SH3BP2: variants seen among roughly 807,000 people sequenced by gnomAD.
The protein encoded by SH3BP2 is SH3 domain-binding protein 2.
Under a neutral mutation model 56.2 loss-of-function variants are expected in SH3BP2, and 38 were observed. The observed-to-expected ratio is 0.68, with a 90% CI of 0.52 to 0.89. The LOEUF (loss-of-function observed/expected upper bound fraction) is 0.89. SH3BP2 is among the 40% of genes least tolerant of loss of function. The pLI, the probability that SH3BP2 is intolerant of heterozygous loss-of-function variation, is 0.00. For synonymous variants in SH3BP2, 346 were observed against 316.7 expected (o/e 1.09, Z -0.98); for missense variants, 748 against 762.6 (o/e 0.98, Z 0.23).
At position 2,820,610 on chromosome 4, in the gene SH3BP2, G is replaced by A. The variant is rs368247015; in HGVS notation, c.-4-4G>A. On this transcript the variant is annotated splice_polypyrimidine_tract_variant and splice_region_variant and intron_variant, in intron 1 of 12. Coordinates refer to ENST00000503393, the MANE Select transcript of SH3BP2 (RefSeq NM_001122681.2). ...GAGCCACGTGCCTTTGTCCTTTATT[G>A]CAGCTTCATGGCGGCTGAAGAGATG... 3 of 1,614,132 alleles carry A rather than the reference G, an allele frequency of 1.9e-6. No homozygotes were observed. The highest frequency in any genetic ancestry group is 4.5e-5 in the East Asian group (2 of 44,884).
chr4:2,804,155 G>T (rs1723435797), intron 1 of SH3BP2, among the ~76,000 whole-genome samples: 1 of 152,156 alleles, frequency 6.6e-6, no homozygotes, highest in Admixed American at 6.5e-5. Context: ...CTGCCTGGTG[G>T]GTTCCACTGC....
At chr4:2,813,833 ATG>A (rs1357522130) in intron 1 of SH3BP2, among the ~76,000 whole-genome samples, 5 of 152,154 alleles carry the variant, frequency 3.3e-5, no homozygotes, top group Non-Finnish European at 5.9e-5. Flanking sequence ...GTGTGTATAT[ATG>A]TGTTAGTGTG....
At chr4:2,811,233 G>T (rs1365056378) in intron 1 of SH3BP2, among the ~76,000 whole-genome samples, 1 of 152,226 alleles carries the variant, frequency 6.6e-6, no homozygotes, top group Non-Finnish European at 1.5e-5. Context: ...GGGACAGCTT[G>T]GGACCTGCAC....
At chr4:2,793,992 A>C (rs1166198052) in intron 1 of SH3BP2, among the ~76,000 whole-genome samples, 4 of 152,044 alleles carry the variant, frequency 2.6e-5, no homozygotes, top group Non-Finnish European at 5.9e-5. Flanking sequence ...AGCACCTCCT[A>C]TCCCCTCTCT....
rs748381052 is a variant in SH3BP2 at position 2,833,870 on chromosome 4, CAG to C, written c.*37_*38del. The C allele has an allele frequency of 6.8e-5, 105 of 1,537,048 alleles. No individual in the cohort carries two copies. The African/African-American group carries it at 1.3e-3, about 19-fold the overall frequency. On this transcript the variant is annotated 3_prime_UTR_variant, in exon 13 of 13. Transcript: ENST00000503393. ...TGTGGCTGCCAGGCCAAGGCAGTCA[CAG>C]GGGCCCTGACCCCAGGCCACACAGA...
rs1725196306 is a variant in SH3BP2 at position 2,835,402 on chromosome 4, C to G, written c.*1568C>G. The G allele has an allele frequency of 6.6e-6, 1 of 152,318 alleles. No homozygotes were observed. The highest frequency in any genetic ancestry group is 2.4e-5 in the African/African-American group (1 of 41,436). 9.4% of individuals were successfully genotyped at this position (152,318 alleles called of 1,614,324 possible). ...CCAGGAACCAGGTGTCCAAGGCCAC[C>G]TCTGCAGGGGTTTCCTCTTCAGCCT... On this transcript the variant is annotated 3_prime_UTR_variant, in exon 13 of 13. Coordinates refer to ENST00000503393, the MANE Select transcript of SH3BP2 (RefSeq NM_001122681.2).
intron 1 of SH3BP2, among the ~76,000 whole-genome samples, chr4:2,794,531 C>G (rs1269362523): frequency 2.0e-5 from 3 of 152,238 alleles, no homozygotes; most frequent in Non-Finnish European, 4.4e-5. Context: ...CCCTGCCACC[C>G]GCCAGGCTCC....
chr4:2,828,214 C>T (rs1724783900), intron 7 of SH3BP2, among the ~76,000 whole-genome samples: 2 of 151,370 alleles, frequency 1.3e-5, no homozygotes, highest in African/African-American at 4.9e-5. Context: ...CTTCCTCCCT[C>T]CCTATTGTCT....
At chr4:2,827,772 G>C in intron 7 of SH3BP2, 98 bp downstream of exon 7, 1 of 1,045,682 alleles carries the variant, frequency 9.6e-7, no homozygotes, top group Non-Finnish European at 1.5e-6. Context: ...TGCTGGCCCA[G>C]GTACCGCTCT....
intron 3 of SH3BP2, among the ~76,000 whole-genome samples, 171 bp from the exon 4 acceptor site, chr4:2,824,442 G>T (rs1390444732): frequency 6.6e-6 from 1 of 151,990 alleles, no homozygotes; most frequent in Non-Finnish European, 1.5e-5. Context: ...CCTTACGCCT[G>T]CCTGGGCATG....
intron 1 of SH3BP2, among the ~76,000 whole-genome samples, chr4:2,805,672 C>CG (rs1723505473): frequency 6.6e-6 from 1 of 152,008 alleles, no homozygotes; most frequent in Non-Finnish European, 1.5e-5. Flanking sequence ...GCCACAGCGT[C>CG]GGGGGGTGCC....
chr4:2,793,923 G>C (rs1271555976), intron 1 of SH3BP2, among the ~76,000 whole-genome samples: 3 of 152,274 alleles, frequency 2.0e-5, no homozygotes, highest in African/African-American at 7.2e-5. Context: ...CGGCTCCCTG[G>C]GGGTATTGAG....
chr4:2,824,200 G>A (rs1342884183), intron 3 of SH3BP2, among the ~76,000 whole-genome samples: 3 of 152,176 alleles, frequency 2.0e-5, no homozygotes, highest in South Asian at 2.1e-4. Context: ...GAGCAGGCAC[G>A]AGTCATTCCC....
At chr4:2,795,049 C>G (rs1342085445) in intron 1 of SH3BP2, among the ~76,000 whole-genome samples, 1 of 152,184 alleles carries the variant, frequency 6.6e-6, no homozygotes, top group East Asian at 1.9e-4. Flanking sequence ...CATCCATGAC[C>G]TGAGGGCTGT....
At chr4:2,826,956 C>T (rs2108734706) in intron 5 of SH3BP2, 1 of 626,320 alleles carries the variant, frequency 1.6e-6, no homozygotes. Flanking sequence ...CTTGTGTGTG[C>T]ACGTGTGCAT....
intron 7 of SH3BP2, among the ~76,000 whole-genome samples, chr4:2,828,218 A>G (rs552547303): frequency 1.3e-4 from 19 of 149,986 alleles, no homozygotes; most frequent in African/African-American, 4.2e-4. Flanking sequence ...CTCCCTCCCT[A>G]TTGTCTCTCC....
At position 2,834,330 on chromosome 4, in the gene SH3BP2, G is replaced by A. The variant is rs974555213; in HGVS notation, c.*496G>A. 4 of 157,798 alleles carry A rather than the reference G, an allele frequency of 2.5e-5. No individual in the cohort carries two copies. The highest frequency in any genetic ancestry group is 5.6e-5 in the Non-Finnish European group (4 of 71,596). The allele number at this position is 157,798 out of a possible 1,614,324, so 9.8% of individuals were successfully genotyped here. A position where few individuals can be genotyped will look rare whatever the true frequency, so the allele number is the denominator to read the frequency against. ...TTGATTGGGAAGGAGGGGATTACCA[G>A]CTTACTGGGTGCCCATGCTGATGTC... is the stretch of plus-strand genomic sequence containing the variant. On this transcript the variant is annotated 3_prime_UTR_variant, in exon 13 of 13. Transcript: ENST00000503393.
In SH3BP2 at chr4:2,839,040, ATT is replaced by A; in HGVS notation, c.*5208_*5209del. On this transcript the variant is annotated 3_prime_UTR_variant, in exon 13 of 13. Coordinates refer to ENST00000503393, the MANE Select transcript of SH3BP2 (RefSeq NM_001122681.2). ...GGTGGGGTGTATAGTTATGGCCTTA[ATT>A]TGCATTTAGCTAATTACCAAGGAGA... 6.6e-6 allele frequency: 1 copy of A among 152,066 alleles called. No homozygotes were observed. Among genetic ancestry groups the A allele is most frequent in the South Asian group, 2.1e-4 (1 of 4,828 alleles). The allele number at this position is 152,066 out of a possible 1,614,324, so 9.4% of individuals were successfully genotyped here.
At position 2,829,433 on chromosome 4, in the gene SH3BP2, C is replaced by T. The variant is rs1724849494; in HGVS notation, c.587-60C>T. The T allele has an allele frequency of 3.8e-6, 6 of 1,579,532 alleles. No homozygotes were observed. The highest frequency in any genetic ancestry group is 5.2e-6 in the Non-Finnish European group (6 of 1,149,494). On this transcript the variant is annotated intron_variant, in intron 7 of 12. Transcript: ENST00000503393. The surrounding 1 kb of genome is among the most constrained non-coding windows in gnomAD (Gnocchi z 4.9). Reference sequence around the variant, plus strand: ...GGTTGGCCTGGCTGACCACTGCCAGCAGAGGATAGTGTTGGCCCAGTCTCT... The same window carrying T: ...GGTTGGCCTGGCTGACCACTGCCAGTAGAGGATAGTGTTGGCCCAGTCTCT...
Sources: allele counts gnomAD v4.1 joint callset (sites outside exome capture counted in the v4.1 genomes callset), GRCh38; gene constraint gnomAD v4.1.1; non-coding constraint Gnocchi (gnomAD v3.1); transcripts MANE v1.5; gene names NCBI Gene and HGNC (gene_info 2026-07-23, HGNC 2026-07-21).